The following SAP18 variants were observed in gnomAD, a reference collection of about 807,000 sequenced individuals.
SAP18 encodes the protein histone deacetylase complex subunit SAP18.
SAP18 carries 4 observed loss-of-function variants against 18.6 expected under a neutral mutation model. That is an observed-to-expected ratio of 0.21 (90% confidence interval 0.11 to 0.49). SAP18 has a LOEUF of 0.49. SAP18 is among the 20% of genes least tolerant of loss of function. SAP18 has a pLI of 0.98. For synonymous variants in SAP18, 112 were observed against 82.8 expected (o/e 1.35, Z -1.92); for missense variants, 170 against 226.4 (o/e 0.75, Z 1.60).
At chr13:21,145,510 G>C (rs749576963) in intron 2 of SAP18, among the ~76,000 whole-genome samples, 128 of 151,742 alleles carry the variant, frequency 8.4e-4, no homozygotes, top group Non-Finnish European at 1.4e-3. Context: ...TGTGACCTCA[G>C]GTTTTTTTGT....
At chr13:21,145,341 A>G (rs1869614390) in intron 2 of SAP18, among the ~76,000 whole-genome samples, 2 of 152,200 alleles carry the variant, frequency 1.3e-5, no homozygotes, top group East Asian at 1.9e-4. Flanking sequence ...ACCCCAAGAT[A>G]TCTTACGTAT....
chr13:21,146,068 C>T (rs1419584143), intron 2 of SAP18, among the ~76,000 whole-genome samples: 5 of 152,120 alleles, frequency 3.3e-5, no homozygotes, highest in Non-Finnish European at 5.9e-5. Flanking sequence ...TCTGGCTGGG[C>T]GCAGTGGCTC....
intron 3 of SAP18, 66 bp downstream of exon 3, chr13:21,146,993 A>G: frequency 3.3e-6 from 5 of 1,516,122 alleles, no homozygotes; most frequent in Non-Finnish European, 3.6e-6. Context: ...ACTGATACAG[A>G]TAACTCCTTC....
exon 4 of SAP18, chr13:21,148,462 C>A (rs1276034965): frequency 6.6e-6 from 1 of 151,852 alleles, no homozygotes; most frequent in Non-Finnish European, 1.5e-5. Context: ...GTTACAGTAG[C>A]CAATTGAAAA....
Position 21,140,598 on chromosome 13 carries a change from CG to C in SAP18, c.47del (p.Arg16LeufsTer70), listed in dbSNP as rs763649081. On this transcript the variant is annotated frameshift_variant, in exon 1 of 4. Transcript: ENST00000621421. LOFTEE classifies it high-confidence loss of function. ...AGGTCAGGGCGAGCGTCTCGCAGGC[CG>C]TAGGAGGAAGATGGCGGTGGAGTCG... 35 of 1,610,766 alleles carry C rather than the reference CG, an allele frequency of 2.2e-5. No individual in the cohort carries two copies. Among genetic ancestry groups the C allele is most frequent in the Non-Finnish European group, 2.7e-5 (32 of 1,178,578 alleles).
intron 2 of SAP18, among the ~76,000 whole-genome samples, chr13:21,144,294 A>G (rs1370708800): frequency 6.6e-6 from 1 of 151,070 alleles, no homozygotes; most frequent in Non-Finnish European, 1.5e-5. Context: ...AATCCCAACT[A>G]CTTGGGAGGC....
At chr13:21,146,086 T>C (rs1869640814) in intron 2 of SAP18, among the ~76,000 whole-genome samples, 4 of 152,166 alleles carry the variant, frequency 2.6e-5, no homozygotes, top group Non-Finnish European at 5.9e-5. Flanking sequence ...CTCACGCTTG[T>C]AATCAATCCC....
At chr13:21,141,296 A>T (rs1405534656) in intron 2 of SAP18, 5 of 428,694 alleles carry the variant, frequency 1.2e-5, no homozygotes, top group African/African-American at 2.2e-5. Context: ...AATATGTTGT[A>T]GTATCTGCCC....
At chr13:21,140,560 C>G (rs1346611454) in exon 1 of SAP18, 17 of 1,594,612 alleles carry the variant, frequency 1.1e-5, no homozygotes, top group Middle Eastern at 1.7e-4. Flanking sequence ...CTCATGCTCG[C>G]TGCAGGGGTC....
intron 2 of SAP18, among the ~76,000 whole-genome samples, chr13:21,143,835 ATGG>A (rs1869551767): frequency 6.6e-6 from 1 of 152,210 alleles, no homozygotes; most frequent in African/African-American, 2.4e-5. Context: ...ACATCTCAAA[ATGG>A]TGGCCAAAGA....
intron 2 of SAP18, among the ~76,000 whole-genome samples, chr13:21,145,596 T>C (rs914961606): frequency 1.3e-5 from 2 of 152,156 alleles, no homozygotes; most frequent in African/African-American, 4.8e-5. Flanking sequence ...AGCCTCCGCC[T>C]CCCAGGTCAA....
upstream of SAP18, chr13:21,140,462 C>T (rs1869404296): frequency 2.8e-6 from 4 of 1,412,662 alleles, no homozygotes; most frequent in Middle Eastern, 2.6e-4. Flanking sequence ...GCTCACCACG[C>T]ACGGAAGTGC....
At chr13:21,142,484 G>A (rs978795110) in intron 2 of SAP18, among the ~76,000 whole-genome samples, 3 of 151,496 alleles carry the variant, frequency 2.0e-5, no homozygotes. Context: ...CCGCCACCAC[G>A]CCTGGCTAAT....
chr13:21,140,404 AG>A (rs1326007186), upstream of SAP18: 3 of 821,038 alleles, frequency 3.7e-6, no homozygotes, highest in African/African-American at 3.5e-5. Context: ...CGCGGACGTC[AG>A]CACCCGCCTT....
chr13:21,145,988 A>G (rs904326274), intron 2 of SAP18, among the ~76,000 whole-genome samples: 3 of 152,236 alleles, frequency 2.0e-5, no homozygotes, highest in African/African-American at 2.4e-5. Flanking sequence ...AAACTTTTGT[A>G]TATTTCATTG....
chr13:21,140,583 G>T lies in SAP18; in HGVS notation c.31G>T (p.Glu11Ter), dbSNP rs552329707. The change falls in exon 1 of 4, where the codon GAG (glutamate) becomes TAG (stop). Residue 11 changes from glutamate to a stop codon, truncating the protein, a stop_gained. Coordinates refer to ENST00000621421, the Ensembl canonical transcript of SAP18. LOFTEE classifies it high-confidence loss of function. ...CGCTGCAGGGGTCGGAGGTCAGGGC[G>T]AGCGTCTCGCAGGCCGTAGGAGGAA... The T allele has an allele frequency of 3.1e-6, 5 of 1,606,934 alleles. No individual in the cohort carries two copies. The highest frequency in any genetic ancestry group is 2.7e-5 in the African/African-American group (2 of 74,826).
chr13:21,140,551 T>G (rs955130207), exon 1 of SAP18: 5 of 1,586,120 alleles, frequency 3.2e-6, no homozygotes, highest in African/African-American at 1.3e-5. Flanking sequence ...GACTTAGTGC[T>G]CATGCTCGCT....
At chr13:21,147,367 T>A in exon 4 of SAP18, 1 of 1,587,088 alleles carries the variant, frequency 6.3e-7, no homozygotes, top group Non-Finnish European at 8.6e-7. Flanking sequence ...TTGTTGAATT[T>A]ATTTTTCCGT....
rs575448476 is a variant in SAP18, at chr13:21,141,577, C to T, written c.239+582C>T. The T allele has an allele frequency of 6.9e-4, 109 of 158,008 alleles. 1 individual carries two copies. In the South Asian group the frequency reaches 0.011, roughly 16 times the overall value. 9.8% of individuals were successfully genotyped at this position (158,008 alleles called of 1,614,324 possible). ...TCCCTACAAACTACTGTGGGCTTGTCTTTAGCGCTGCACATAACTCCTTGG... is the reference window on the plus strand; with the variant it reads ...TCCCTACAAACTACTGTGGGCTTGTTTTTAGCGCTGCACATAACTCCTTGG... On this transcript the variant is annotated intron_variant, in intron 2 of 3. Coordinates refer to ENST00000621421, the Ensembl canonical transcript of SAP18.
Sources: allele counts gnomAD v4.1 joint callset (sites outside exome capture counted in the v4.1 genomes callset), GRCh38; gene constraint gnomAD v4.1.1; transcripts MANE v1.5; gene names NCBI Gene and HGNC (gene_info 2026-07-23, HGNC 2026-07-21).